AFAP1L2: variants seen among roughly 807,000 people sequenced by gnomAD.
AFAP1L2 encodes actin filament-associated protein 1-like 2.
In AFAP1L2, 46 loss-of-function variants were observed where a neutral mutation model predicts 99.3. The observed-to-expected ratio is 0.46, with a 90% CI of 0.37 to 0.59. The LOEUF is 0.59. Ranked by LOEUF, AFAP1L2 falls within the 20% of genes least tolerant of loss-of-function variation. The pLI is 0.00. For synonymous variants in AFAP1L2, 397 were observed against 419.1 expected (o/e 0.95, Z 0.64); for missense variants, 959 against 1,034.9 (o/e 0.93, Z 1.01).
At position 114,385,502 on chromosome 10, in the gene AFAP1L2, CAG is replaced by C. The variant is rs372005758; in HGVS notation, c.16+18936_16+18937del. ...AGCTAGACCAGGCAGCAGAATGTGC[CAG>C]AGAGTCAGATAGAGCTGGGTTTGGA... On this transcript the variant is annotated intron_variant, in intron 1 of 18. Transcript: ENST00000304129. Among the ~76,000 whole-genome samples, 18 of 152,222 alleles carry C rather than the reference CAG, an allele frequency of 1.2e-4. No homozygotes were observed. In the East Asian group the frequency reaches 3.5e-3, roughly 29 times the overall value.
rs766580741 is a variant in AFAP1L2, at chr10:114,300,457, G to A, written c.1776C>T (p.Asn592=). 2.5e-6 allele frequency: 4 copies of A among 1,613,586 alleles called. No homozygotes were observed. Among genetic ancestry groups the A allele is most frequent in the Non-Finnish European group, 2.5e-6 (3 of 1,179,544 alleles). Reference sequence around the variant, plus strand: ...GGGAGGCCTGTACCTGTTCTCCCAGGTTCTCTGGACACTTTATGCAGGGCT... The same window carrying A: ...GGGAGGCCTGTACCTGTTCTCCCAGATTCTCTGGACACTTTATGCAGGGCT... ...PDEPCIKCPE[N]LGEQQLESLE... The change falls in exon 14 of 19, where the codon AAC becomes AAT. Residue 592 remains asparagine, a synonymous_variant. Transcript: ENST00000304129.
In AFAP1L2 at chr10:114,402,977, C is replaced by T. The variant is rs559630349; in HGVS notation, c.16+1463G>A. 2.5e-3 allele frequency among the ~76,000 whole-genome samples: 384 copies of T among 152,282 alleles called. 3 individuals carry two copies. Among genetic ancestry groups the T allele is most frequent in the African/African-American group, 8.6e-3 (357 of 41,566 alleles). ...GGGTCCCTCCCGAAGGGCGGAGGGG[C>T]CCCAGTAGGGGAGGGAGTGCAAACG... On this transcript the variant is annotated intron_variant, in intron 1 of 18. Coordinates refer to ENST00000304129, the MANE Select transcript of AFAP1L2 (RefSeq NM_001001936.3).
intron 6 of AFAP1L2, 111 bp downstream of exon 6, chr10:114,315,448 TA>T: frequency 9.1e-7 from 1 of 1,095,748 alleles, no homozygotes; most frequent in Non-Finnish European, 1.3e-6. Context: ...TCTCCTGACA[TA>T]AACAAGCTCG....
intron 1 of AFAP1L2, among the ~76,000 whole-genome samples, chr10:114,400,750 C>A (rs2058154398): frequency 6.6e-6 from 1 of 152,112 alleles, no homozygotes; most frequent in African/African-American, 2.4e-5. Context: ...ATTGGAATCA[C>A]CTGAAGACCT....
At chr10:114,355,208 TG>T (rs935847498) in intron 1 of AFAP1L2, among the ~76,000 whole-genome samples, 1 of 150,260 alleles carries the variant, frequency 6.7e-6, no homozygotes, top group East Asian at 1.9e-4. Flanking sequence ...TGGATGCGGG[TG>T]GGGGGAGGTT....
intron 5 of AFAP1L2, among the ~76,000 whole-genome samples, chr10:114,317,924 C>T (rs1322315687): frequency 6.6e-6 from 1 of 152,182 alleles, no homozygotes; most frequent in Admixed American, 6.5e-5. Context: ...TGCTGTTTAG[C>T]AGTCAGCAGA....
At chr10:114,397,644 A>G (rs1261180955) in intron 1 of AFAP1L2, among the ~76,000 whole-genome samples, 1 of 152,216 alleles carries the variant, frequency 6.6e-6, no homozygotes, top group East Asian at 1.9e-4. Context: ...GGAAAGTCCC[A>G]AGCAAGCCCG....
In AFAP1L2 at chr10:114,312,616, C is replaced by T. The variant is rs192981747; in HGVS notation, c.792+1255G>A. On this transcript the variant is annotated intron_variant, in intron 7 of 18. Transcript: ENST00000304129. ...TTTGTGCACATTAAAGGATCCAGCC[C>T]CAAATCACTCAGCTAAACAGGGGTG... Among the ~76,000 whole-genome samples the T allele has an allele frequency of 4.1e-3, 624 of 152,266 alleles. 3 individuals are homozygous for T. The highest frequency in any genetic ancestry group is 0.014 in the African/African-American group (584 of 41,542).
Position 114,384,431 on chromosome 10 carries a change from G to A in AFAP1L2, c.16+20009C>T, listed in dbSNP as rs969193854. Among the ~76,000 whole-genome samples the A allele has an allele frequency of 4.6e-5, 7 of 152,168 alleles. No homozygotes were observed. In the South Asian group the frequency reaches 8.3e-4, roughly 18 times the overall value. On this transcript the variant is annotated intron_variant, in intron 1 of 18. Coordinates refer to ENST00000304129, the MANE Select transcript of AFAP1L2 (RefSeq NM_001001936.3). Reference sequence around the variant, plus strand: ...CACTTGTCCAAAGCCTCCATTTAGGGCCGCTGTGAGCGTAGATGGAGGACA... The same window carrying A: ...CACTTGTCCAAAGCCTCCATTTAGGACCGCTGTGAGCGTAGATGGAGGACA...
At chr10:114,327,899 G>A (rs1227605294) in intron 4 of AFAP1L2, among the ~76,000 whole-genome samples, 7 of 152,220 alleles carry the variant, frequency 4.6e-5, no homozygotes, top group Non-Finnish European at 8.8e-5. Flanking sequence ...TCCCAGGTGG[G>A]GGTGAGTGGA....
chr10:114,329,763 CAG>C (rs2046970503), intron 4 of AFAP1L2, among the ~76,000 whole-genome samples: 1 of 152,160 alleles, frequency 6.6e-6, no homozygotes, highest in Non-Finnish European at 1.5e-5. Context: ...TGCTCTGTTA[CAG>C]AGAGAAGCAA....
intron 4 of AFAP1L2, among the ~76,000 whole-genome samples, chr10:114,327,175 T>TATATATATATATATATATATATGTA (rs1564880771): frequency 1.8e-5 from 1 of 55,626 alleles, no homozygotes; most frequent in Non-Finnish European, 5.3e-5. Context: ...ATATATATAT[T>TATATATATATATATATATATATGTA]TTTTTTTTAG....
In AFAP1L2 at chr10:114,355,256, C is replaced by CTTTTTTTTT. The variant is rs35562783; in HGVS notation, c.17-14534_17-14526dup. ...AGAAGCCTTTCTCTTCTCGCTCTCT[C>CTTTTTTTTT]TTTTTTTTTTTTTTTTGAGACGGAG... On this transcript the variant is annotated intron_variant, in intron 1 of 18. Transcript: ENST00000304129. Among the ~76,000 whole-genome samples the CTTTTTTTTT allele has an allele frequency of 1.0e-3, 134 of 133,080 alleles. 3 individuals carry two copies. The highest frequency in any genetic ancestry group is 4.1e-3 in the Middle Eastern group (1 of 246). The allele number at this position is 133,080 out of a possible 152,430, so 87.3% of individuals were successfully genotyped here. A position where few individuals can be genotyped will look rare whatever the true frequency, so the allele number is the denominator to read the frequency against.
intron 1 of AFAP1L2, among the ~76,000 whole-genome samples, chr10:114,348,143 A>G (rs1191254779): frequency 1.3e-5 from 2 of 152,204 alleles, no homozygotes; most frequent in Admixed American, 1.3e-4. Context: ...CCTTCTTAAG[A>G]CTGAGTACAA....
chr10:114,388,254 C>A (rs1342183676), intron 1 of AFAP1L2, among the ~76,000 whole-genome samples: 1 of 151,984 alleles, frequency 6.6e-6, no homozygotes, highest in Non-Finnish European at 1.5e-5. Context: ...TCTACATTCC[C>A]TCTCAATGAC....
rs1488081631 is a variant in AFAP1L2 at position 114,327,171 on chromosome 10, ATATT to A, written c.316-3914_316-3911del. On this transcript the variant is annotated intron_variant, in intron 4 of 18. Coordinates refer to ENST00000304129, the MANE Select transcript of AFAP1L2 (RefSeq NM_001001936.3). ...TTTATATATATATATATATATATAT[ATATT>A]TTTTTTTTAGGCAGAGTCTCACTGT... Among the ~76,000 whole-genome samples the A allele has an allele frequency of 2.8e-4, 19 of 68,296 alleles. 2 individuals carry two copies. Among genetic ancestry groups the A allele is most frequent in the African/African-American group, 8.2e-4 (17 of 20,638 alleles). 44.8% of individuals were successfully genotyped at this position (68,296 alleles called of 152,430 possible). A position where few individuals can be genotyped will look rare whatever the true frequency, so the allele number is the denominator to read the frequency against.
intron 1 of AFAP1L2, among the ~76,000 whole-genome samples, chr10:114,399,997 C>T (rs567224504): frequency 6.6e-6 from 1 of 152,306 alleles, no homozygotes; most frequent in Non-Finnish European, 1.5e-5. Context: ...CAGCAGTTTG[C>T]CCAAGGAAAT....
chr10:114,297,523 G>T, intron 16 of AFAP1L2, 110 bp from the exon 17 acceptor site: 2 of 1,201,022 alleles, frequency 1.7e-6, no homozygotes, highest in Non-Finnish European at 2.3e-6. Flanking sequence ...AAGGACCACA[G>T]GTCTGGCCCC....
intron 1 of AFAP1L2, among the ~76,000 whole-genome samples, chr10:114,385,660 C>T (rs2056407094): frequency 6.6e-6 from 1 of 152,128 alleles, no homozygotes; most frequent in Non-Finnish European, 1.5e-5. Context: ...CCCCCACACC[C>T]CATTGTGATT....
Sources: gnomAD v4.1 joint callset for allele counts (sites outside exome capture counted in the v4.1 genomes callset) on GRCh38, gnomAD v4.1.1 for gene constraint, MANE v1.5 for transcripts, NCBI Gene and HGNC (gene_info 2026-07-23, HGNC 2026-07-21) for gene names.